Variants in CDH23 observed in about 807,000 individuals in gnomAD.
CDH23 encodes cadherin related 23, also known as cadherin-23.
In CDH23, 189 loss-of-function variants were observed where a neutral mutation model predicts 317.1. That is an observed-to-expected ratio of 0.60 (90% confidence interval 0.53 to 0.67). The LOEUF is 0.67. CDH23 is among the 30% of genes least tolerant of loss of function. CDH23 has a pLI of 0.00. For synonymous variants in CDH23, 1,839 were observed against 1,876.8 expected, an observed-to-expected ratio of 0.98 and a Z score of 0.52; for missense variants, 4,401 against 4,592.4, an observed-to-expected ratio of 0.96 and a Z score of 1.20.
At chr10:71,610,470 T>C (rs974619528) in intron 9 of CDH23, among the ~76,000 whole-genome samples, 1 of 152,066 alleles carries the variant, frequency 6.6e-6, no homozygotes, top group African/African-American at 2.4e-5. Context: ...GAAAAAGAAA[T>C]GTAAATCTAA....
At chr10:71,759,818 TATACACACACAC>T (rs1840251938) in intron 38 of CDH23, among the ~76,000 whole-genome samples, 1 of 50,788 alleles carries the variant, frequency 2.0e-5, no homozygotes, top group African/African-American at 7.5e-5. Flanking sequence ...TTTCAGAAAA[TATACACACACAC>T]ACACACACAC....
At chr10:71,400,041 C>T (rs892382210) in intron 1 of CDH23, among the ~76,000 whole-genome samples, 2 of 152,144 alleles carry the variant, frequency 1.3e-5, no homozygotes, top group Non-Finnish European at 2.9e-5. Context: ...TTTGGAACAG[C>T]CTCCAGAGGG....
At chr10:71,560,097 C>T (rs1250645387) in intron 6 of CDH23, among the ~76,000 whole-genome samples, 1 of 152,226 alleles carries the variant, frequency 6.6e-6, no homozygotes, top group South Asian at 2.1e-4. Flanking sequence ...CATTTCTCCT[C>T]CATCACTGCT....
chr10:71,796,160 A>C, intron 48 of CDH23: 780 of 876,262 alleles, frequency 8.9e-4, no homozygotes, highest in Middle Eastern at 1.8e-3. Context: ...AGGGAATCTC[A>C]GATACCCCTG....
intron 38 of CDH23, among the ~76,000 whole-genome samples, chr10:71,759,726 C>T (rs932454450): frequency 2.2e-4 from 34 of 151,400 alleles, no homozygotes; most frequent in Admixed American, 2.1e-3. Flanking sequence ...GCAGAAGAAT[C>T]GCTTGAATCC....
intron 1 of CDH23, among the ~76,000 whole-genome samples, chr10:71,409,726 G>C (rs561394258): frequency 2.6e-5 from 4 of 152,134 alleles, no homozygotes; most frequent in Non-Finnish European, 4.4e-5. Context: ...ACTAGAAAGG[G>C]ACTTCTCTCC....
chr10:71,643,186 T>C (rs1862648433), intron 11 of CDH23, among the ~76,000 whole-genome samples: 1 of 152,114 alleles, frequency 6.6e-6, no homozygotes, highest in Admixed American at 6.5e-5. Flanking sequence ...AGCATGCTGT[T>C]AGTGTCACAG....
chr10:71,704,922 C>G lies in CDH23; in HGVS notation c.2745C>G (p.Ile915Met), dbSNP rs183220886. The G allele has an allele frequency of 2.5e-6, 4 of 1,612,250 alleles. No homozygotes were observed. Among genetic ancestry groups the G allele is most frequent in the Admixed American group, 3.3e-5 (2 of 59,998 alleles). Residue 915 changes from isoleucine (I) to methionine (M), a missense_variant, in exon 25 of 70, where the codon ATC becomes ATG. Ile to Met is a conservative substitution (Grantham distance 10, BLOSUM62 1). This residue lies in a region of CDH23 where 3,068 missense variants were observed against 3,203.3 expected (regional missense o/e 0.96). Transcript: ENST00000224721. ...AGVSIYQVVA[I>M]DLDEGLNGLV... The stretch of plus-strand genomic sequence containing the variant: ...CTCCTTGCCCTCAGGTGGTGGCCAT[C>G]GACCTCGATGAGGGCCTGAACGGCC...
At chr10:71,529,352 C>T (rs1272299419) in intron 6 of CDH23, among the ~76,000 whole-genome samples, 2 of 152,140 alleles carry the variant, frequency 1.3e-5, no homozygotes, top group Non-Finnish European at 2.9e-5. Flanking sequence ...TGGAGCAGGG[C>T]CGCCCTCTGG....
intron 3 of CDH23, among the ~76,000 whole-genome samples, chr10:71,459,366 T>G (rs1850865765): frequency 6.6e-6 from 1 of 152,138 alleles, no homozygotes; most frequent in African/African-American, 2.4e-5. Context: ...AGTGGGGGCA[T>G]GAGCCACTGT....
intron 66 of CDH23, 185 bp from the exon 67 acceptor site, chr10:71,812,295 C>A: frequency 6.3e-7 from 1 of 1,598,650 alleles, no homozygotes; most frequent in African/African-American, 1.3e-5. Context: ...GACTGACATG[C>A]GGTCCTGGTT....
At chr10:71,621,830 C>G (rs1421303885) in intron 11 of CDH23, among the ~76,000 whole-genome samples, 1 of 152,148 alleles carries the variant, frequency 6.6e-6, no homozygotes, top group African/African-American at 2.4e-5. Context: ...TGAAAGCAGT[C>G]CTTTCTGTCT....
In CDH23 at chr10:71,784,997, T is replaced by C; in HGVS notation, c.5609T>C (p.Val1870Ala). ...ISENSPVSSF[V>A]AHVLASDADS... The stretch of plus-strand genomic sequence containing the variant: ...GAGAACAGCCCTGTCTCCAGCTTTG[T>C]CGCCCATGTCCTGGCCAGTGACGCT... Residue 1870 changes from valine (V) to alanine (A), a missense_variant, in exon 43 of 70, where the codon GTC (valine) becomes GCC (alanine). By Grantham distance (64) the Val-to-Ala change is moderately conservative. Coordinates refer to ENST00000224721, the MANE Select transcript of CDH23 (RefSeq NM_022124.6). The C allele has an allele frequency of 6.2e-7, 1 of 1,614,074 alleles. No homozygotes were observed. The highest frequency in any genetic ancestry group is 1.1e-5 in the South Asian group (1 of 91,086).
intron 9 of CDH23, among the ~76,000 whole-genome samples, chr10:71,613,554 A>T (rs1481215324): frequency 6.6e-6 from 1 of 152,212 alleles, no homozygotes; most frequent in Non-Finnish European, 1.5e-5. Flanking sequence ...GCCACTAGCC[A>T]CTAACTTGGG....
At chr10:71,540,110 G>A (rs1855904266) in intron 6 of CDH23, among the ~76,000 whole-genome samples, 1 of 152,178 alleles carries the variant, frequency 6.6e-6, no homozygotes, top group Admixed American at 6.5e-5. Context: ...CTAAGGATGT[G>A]GGGCATAGGC....
chr10:71,538,305 A>G (rs2132280262), intron 6 of CDH23, among the ~76,000 whole-genome samples: 1 of 152,304 alleles, frequency 6.6e-6, no homozygotes, highest in East Asian at 1.9e-4. Context: ...GAGGGAAAAT[A>G]TGTCAGCCTG....
chr10:71,796,987 C>A, intron 48 of CDH23, 117 bp from the exon 49 acceptor site: 1 of 678,942 alleles, frequency 1.5e-6, no homozygotes, highest in Non-Finnish European at 2.7e-6. Flanking sequence ...GTCCCAGATT[C>A]TACTGGGGAC....
In CDH23 at chr10:71,784,548, G is replaced by T. The variant is rs1191522340; in HGVS notation, c.5502+128G>T. ...GCTGCCCTGGAGCCAGGCCAGGCCT[G>T]CCCCTGGGGCCCTTAATAGACCTCT... On this transcript the variant is annotated intron_variant, in intron 42 of 69. Transcript: ENST00000224721. The T allele has an allele frequency of 7.2e-6, 9 of 1,258,492 alleles. No homozygotes were observed. The East Asian group carries it at 2.2e-4, about 31-fold the overall frequency. The allele number at this position is 1,258,492 out of a possible 1,614,324, so 78.0% of individuals were successfully genotyped here.
intron 14 of CDH23, among the ~76,000 whole-genome samples, chr10:71,666,437 C>G (rs925847287): frequency 1.3e-5 from 2 of 152,176 alleles, no homozygotes; most frequent in Non-Finnish European, 2.9e-5. Flanking sequence ...AGGTGCATGG[C>G]CACCCCCAGG....
Sources: gnomAD v4.1 joint callset for allele counts (sites outside exome capture counted in the v4.1 genomes callset) on GRCh38, gnomAD v4.1.1 for gene constraint, gnomAD v4.1.1 regional missense constraint, MANE v1.5 for transcripts, NCBI Gene and HGNC (gene_info 2026-07-23, HGNC 2026-07-21) for gene names.